CNTN4: variants seen among roughly 807,000 people sequenced by gnomAD.
CNTN4 encodes the protein contactin 4, also known as contactin-4.
CNTN4 carries 77 observed loss-of-function variants against 122.5 expected under a neutral mutation model. The ratio of observed to expected loss-of-function variants is 0.63; its 90% CI spans 0.52 to 0.76. The LOEUF (loss-of-function observed/expected upper bound fraction) is 0.76, where lower values mean the gene tolerates loss of function less well. Among genes scored for constraint, CNTN4 ranks in the 30% least tolerant of loss-of-function variants. The pLI, the probability that CNTN4 is intolerant of heterozygous loss-of-function variation, is 0.00. For missense variants in CNTN4, 1,256 were observed against 1,259.1 expected (o/e 1.00, Z 0.04); for synonymous variants, 512 against 447.0 (o/e 1.15, Z -1.83).
intron 3 of CNTN4, among the ~76,000 whole-genome samples, chr3:2,463,338 G>A (rs2049298694): frequency 6.6e-6 from 1 of 152,176 alleles, no homozygotes; most frequent in East Asian, 1.9e-4. Flanking sequence ...TGAAATAAAA[G>A]CATGTGGGAG....
chr3:2,843,904 CCT>C (rs1300466284), intron 7 of CNTN4, among the ~76,000 whole-genome samples: 1 of 152,158 alleles, frequency 6.6e-6, no homozygotes, highest in African/African-American at 2.4e-5. Context: ...CACATTTCTC[CCT>C]GGCCAAAAGC....
chr3:2,945,155 T>C (rs941082251), intron 13 of CNTN4, among the ~76,000 whole-genome samples: 2 of 152,172 alleles, frequency 1.3e-5, no homozygotes, highest in Non-Finnish European at 2.9e-5. Context: ...GAGGGAAATC[T>C]GGGTAGAGTA....
At chr3:2,902,014 A>T (rs2094179809) in intron 11 of CNTN4, among the ~76,000 whole-genome samples, 2 of 152,168 alleles carry the variant, frequency 1.3e-5, no homozygotes, top group Admixed American at 1.3e-4. Flanking sequence ...TTATTCAAAA[A>T]CAGGTAATTA....
At chr3:3,022,959 A>G (rs1288633752) in intron 14 of CNTN4, among the ~76,000 whole-genome samples, 1 of 152,174 alleles carries the variant, frequency 6.6e-6, no homozygotes, top group Non-Finnish European at 1.5e-5. Flanking sequence ...GCACGGAACA[A>G]TAGCTGAAGT....
chr3:2,597,821 G>T (rs917560795), intron 4 of CNTN4, among the ~76,000 whole-genome samples: 1 of 152,162 alleles, frequency 6.6e-6, no homozygotes, highest in African/African-American at 2.4e-5. Context: ...GCCTATGTTT[G>T]TTCCCATCTA....
In CNTN4 at chr3:2,335,890, T is replaced by C. The variant is rs138365147; in HGVS notation, c.-144-3288T>C. 2.3e-3 allele frequency among the ~76,000 whole-genome samples: 344 copies of C among 152,286 alleles called. 2 individuals are homozygous for C. Among genetic ancestry groups the C allele is most frequent in the African/African-American group, 7.7e-3 (321 of 41,558 alleles). ...GGCGTAACCCTTAGTTTATAATAAC[T>C]AAGACTATACGTTGGATCCATTCAA... On this transcript the variant is annotated intron_variant, in intron 2 of 24. Coordinates refer to ENST00000418658, the MANE Select transcript of CNTN4 (RefSeq NM_175607.3).
chr3:2,194,814 A>C (rs535687880), intron 2 of CNTN4, among the ~76,000 whole-genome samples: 1 of 152,258 alleles, frequency 6.6e-6, no homozygotes, highest in East Asian at 1.9e-4. Context: ...AGAAGCTATG[A>C]AGAAGTTTTC....
At position 2,374,153 on chromosome 3, in the gene CNTN4, G is replaced by A. The variant is rs531787892; in HGVS notation, c.-89+34920G>A. Among the ~76,000 whole-genome samples, 5 of 152,278 alleles carry A rather than the reference G, an allele frequency of 3.3e-5. No homozygotes were observed. In the East Asian group the frequency reaches 5.8e-4, roughly 18 times the overall value. ...TCAGTAAAGGAAATGGGCTTCTCACGTAGAAGGTGATATGCATGGACATTT... is the reference window on the plus strand; with the variant it reads ...TCAGTAAAGGAAATGGGCTTCTCACATAGAAGGTGATATGCATGGACATTT... On this transcript the variant is annotated intron_variant, in intron 3 of 24. Coordinates refer to ENST00000418658, the MANE Select transcript of CNTN4 (RefSeq NM_175607.3).
At chr3:2,375,076 C>G (rs1431659573) in intron 3 of CNTN4, among the ~76,000 whole-genome samples, 1 of 152,150 alleles carries the variant, frequency 6.6e-6, no homozygotes, top group Admixed American at 6.5e-5. Context: ...TTGTAAAAAT[C>G]TGCTTCAGTC....
chr3:2,797,341 G>T (rs867050256), intron 6 of CNTN4, among the ~76,000 whole-genome samples: 5 of 151,238 alleles, frequency 3.3e-5, no homozygotes, highest in Admixed American at 6.6e-5. Flanking sequence ...GCTTACGCCT[G>T]TAATCCCAAC....
chr3:2,448,576 C>T (rs1287385720), intron 3 of CNTN4, among the ~76,000 whole-genome samples: 1 of 152,176 alleles, frequency 6.6e-6, no homozygotes, highest in Non-Finnish European at 1.5e-5. Flanking sequence ...AAGTAGTACT[C>T]TGCCAAGGCT....
chr3:2,615,759 G>T (rs1006593408), intron 4 of CNTN4, among the ~76,000 whole-genome samples: 1 of 152,068 alleles, frequency 6.6e-6, no homozygotes, highest in Non-Finnish European at 1.5e-5. Flanking sequence ...TATCCATGAG[G>T]TATCAAAATT....
In CNTN4 at chr3:2,216,481, C is replaced by T. The variant is rs115847344; in HGVS notation, c.-145+115842C>T. Among the ~76,000 whole-genome samples, 1,337 of 152,110 alleles carry T rather than the reference C, an allele frequency of 8.8e-3. 29 individuals are homozygous for T. The highest frequency in any genetic ancestry group is 0.031 in the African/African-American group (1,275 of 41,470). ...TGAAATAATCTCTACAACAAACTCC[C>T]GTGACATGAGTTTACCTATGTAACA... On this transcript the variant is annotated intron_variant, in intron 2 of 24. Transcript: ENST00000418658.
chr3:2,721,602 A>T (rs180705270), intron 4 of CNTN4, among the ~76,000 whole-genome samples: 7,292 of 151,660 alleles, frequency 0.048, 189 homozygotes, highest in Non-Finnish European at 0.056. Flanking sequence ...TGTGTGTGTG[A>T]GAGAGAGAGA....
chr3:2,328,272 G>A (rs1386099883), intron 2 of CNTN4, among the ~76,000 whole-genome samples: 2 of 150,056 alleles, frequency 1.3e-5, no homozygotes, highest in Admixed American at 6.7e-5. Context: ...CGGGCGTGGT[G>A]GCGGGCGCCT....
chr3:2,991,533 A>T (rs1327389388), intron 14 of CNTN4, among the ~76,000 whole-genome samples: 1 of 152,116 alleles, frequency 6.6e-6, no homozygotes, highest in African/African-American at 2.4e-5. Flanking sequence ...AGGTCAGAAG[A>T]GATTTGGGGG....
intron 2 of CNTN4, among the ~76,000 whole-genome samples, chr3:2,273,485 C>T (rs1001344319): frequency 1.3e-5 from 2 of 152,122 alleles, no homozygotes; most frequent in African/African-American, 4.8e-5. Context: ...TTTAACTTCA[C>T]TTCTTGGTCT....
chr3:2,899,052 C>A (rs2094144949), intron 10 of CNTN4, among the ~76,000 whole-genome samples: 1 of 152,194 alleles, frequency 6.6e-6, no homozygotes, highest in Admixed American at 6.5e-5. Context: ...GGCCTCCCCT[C>A]ATATGCAGCA....
intron 8 of CNTN4, among the ~76,000 whole-genome samples, chr3:2,879,777 G>T (rs6442762): frequency 0.22 from 33,798 of 152,054 alleles, 4,204 homozygotes; most frequent in Middle Eastern, 0.33. Flanking sequence ...GGTGATAGTT[G>T]CATGACTCAG....
Sources: gnomAD v4.1 joint callset for allele counts (sites outside exome capture counted in the v4.1 genomes callset) on GRCh38, gnomAD v4.1.1 for gene constraint, MANE v1.5 for transcripts, NCBI Gene and HGNC (gene_info 2026-07-23, HGNC 2026-07-21) for gene names.